The following GABRB2 variants were observed in gnomAD, a reference collection of about 807,000 sequenced individuals.
GABRB2 encodes gamma-aminobutyric acid type A receptor subunit beta2, also known as gamma-aminobutyric acid receptor subunit beta-2.
A neutral mutation model predicts 54.7 loss-of-function variants in GABRB2; 16 were observed. The observed-to-expected ratio is 0.29, with a 90% CI of 0.20 to 0.44. GABRB2 has a LOEUF of 0.44. Among genes scored for constraint, GABRB2 ranks in the 20% least tolerant of loss-of-function variants. The probability of loss-of-function intolerance (pLI) is 1.00; values close to 1 mark genes in which losing one functional copy is unlikely to be tolerated. For synonymous variants in GABRB2, 244 were observed against 233.8 expected (o/e 1.04, Z -0.40); for missense variants, 355 against 644.0 (o/e 0.55, Z 4.86).
In GABRB2 at chr5:161,416,642, A is replaced by G. The variant is rs184120303; in HGVS notation, c.459-5585T>C. Among the ~76,000 whole-genome samples, 49 of 139,002 alleles carry G rather than the reference A, an allele frequency of 3.5e-4. No homozygotes were observed. In the East Asian group the frequency reaches 0.011, roughly 32 times the overall value. The allele number at this position is 139,002 out of a possible 152,430, so 91.2% of individuals were successfully genotyped here. ...AACCCGGGAGGCGGAGCTTGCGGTG[A>G]GCCGAGATCGCGCCGCTGCACTCCA... is the stretch of plus-strand genomic sequence containing the variant. On this transcript the variant is annotated intron_variant, in intron 4 of 9. Coordinates refer to ENST00000393959, the MANE Select transcript of GABRB2 (RefSeq NM_001371727.1).
chr5:161,484,329 C>T (rs1758853976), intron 3 of GABRB2, among the ~76,000 whole-genome samples: 1 of 151,954 alleles, frequency 6.6e-6, no homozygotes, highest in Non-Finnish European at 1.5e-5. Context: ...GTGTTCATTT[C>T]TTTTCTTTCA....
At chr5:161,436,272 C>A (rs774371151) in intron 4 of GABRB2, among the ~76,000 whole-genome samples, 55 of 152,186 alleles carry the variant, frequency 3.6e-4, no homozygotes, top group Non-Finnish European at 1.0e-4. Flanking sequence ...GTGGCTCACA[C>A]TTGCAATCCC....
At chr5:161,395,529 C>T (rs1257810015) in intron 5 of GABRB2, among the ~76,000 whole-genome samples, 3 of 149,926 alleles carry the variant, frequency 2.0e-5, no homozygotes, top group African/African-American at 7.6e-5. Flanking sequence ...GAAAAAAAGG[C>T]AGACATTTAT....
intron 3 of GABRB2, among the ~76,000 whole-genome samples, chr5:161,485,558 C>A (rs956920455): frequency 5.3e-5 from 8 of 151,932 alleles, no homozygotes; most frequent in Non-Finnish European, 7.4e-5. Flanking sequence ...AATGTCAATT[C>A]ATTTTATAGT....
intron 3 of GABRB2, among the ~76,000 whole-genome samples, chr5:161,525,745 C>G (rs1001539793): frequency 1.3e-5 from 2 of 151,328 alleles, no homozygotes; most frequent in African/African-American, 2.4e-5. Flanking sequence ...CAAACTGACA[C>G]AAGTGGCATT....
In GABRB2 at chr5:161,300,423, G is replaced by A. The variant is rs539358958; in HGVS notation, c.1192-5995C>T. Reference sequence around the variant, plus strand: ...ACAGGATACATTCCCATTTGACAGGGCAGGAAACTGAAGTTCAGAAAAATG... The same window carrying A: ...ACAGGATACATTCCCATTTGACAGGACAGGAAACTGAAGTTCAGAAAAATG... On this transcript the variant is annotated intron_variant, in intron 9 of 9. Coordinates refer to ENST00000393959, the MANE Select transcript of GABRB2 (RefSeq NM_001371727.1). Among the ~76,000 whole-genome samples the A allele has an allele frequency of 2.0e-5, 3 of 152,212 alleles. No individual in the cohort carries two copies. The South Asian group carries it at 6.2e-4, about 32-fold the overall frequency.
At chr5:161,512,735 G>C (rs565592687) in intron 3 of GABRB2, among the ~76,000 whole-genome samples, 3 of 152,108 alleles carry the variant, frequency 2.0e-5, no homozygotes, top group Admixed American at 6.6e-5. Context: ...TTGAACTAAA[G>C]AGCGTCTGCA....
chr5:161,529,544 C>T (rs1382364908), intron 3 of GABRB2, among the ~76,000 whole-genome samples: 1 of 151,968 alleles, frequency 6.6e-6, no homozygotes, highest in Non-Finnish European at 1.5e-5. Flanking sequence ...AAAATCTAAC[C>T]TTCAATTTCT....
chr5:161,525,773 A>G (rs1481534530), intron 3 of GABRB2, among the ~76,000 whole-genome samples: 1 of 151,384 alleles, frequency 6.6e-6, no homozygotes, highest in Admixed American at 6.6e-5. Flanking sequence ...ATTTTACCTT[A>G]TATCCCATCC....
intron 3 of GABRB2, among the ~76,000 whole-genome samples, chr5:161,533,646 G>C (rs1418825115): frequency 6.6e-6 from 1 of 151,924 alleles, no homozygotes; most frequent in Non-Finnish European, 1.5e-5. Context: ...ATCTTGGCCA[G>C]TAATCTCTAA....
Position 161,293,870 on chromosome 5 carries a change from G to T in GABRB2, c.*211C>A, listed in dbSNP as rs34906738. On this transcript the variant is annotated 3_prime_UTR_variant, in exon 10 of 10. Transcript: ENST00000393959. ...GCCACCATGTGTAAAAATCACTTGC[G>T]TTTTAACTGGAAAACCACAAGGACC... is the stretch of plus-strand genomic sequence containing the variant. 3.7e-6 allele frequency: 2 copies of T among 545,492 alleles called. No homozygotes were observed. The highest frequency in any genetic ancestry group is 6.5e-5 in the Admixed American group (2 of 30,926). The allele number at this position is 545,492 out of a possible 1,614,324, so 33.8% of individuals were successfully genotyped here.
chr5:161,477,087 A>C (rs1758613359), intron 3 of GABRB2, among the ~76,000 whole-genome samples: 1 of 151,892 alleles, frequency 6.6e-6, no homozygotes, highest in African/African-American at 2.4e-5. Flanking sequence ...CTCATAACAA[A>C]GGAACAAACA....
chr5:161,384,245 A>G (rs1220261276), intron 5 of GABRB2, among the ~76,000 whole-genome samples: 1 of 152,242 alleles, frequency 6.6e-6, no homozygotes, highest in Non-Finnish European at 1.5e-5. Flanking sequence ...AGGCCACTGC[A>G]AAACTACCTT....
At chr5:161,352,368 G>T (rs1461454173) in intron 5 of GABRB2, among the ~76,000 whole-genome samples, 1 of 151,588 alleles carries the variant, frequency 6.6e-6, no homozygotes, top group Non-Finnish European at 1.5e-5. Flanking sequence ...TACTACTCAG[G>T]GTTAAAAAGA....
intron 3 of GABRB2, among the ~76,000 whole-genome samples, chr5:161,502,984 C>T (rs1052253043): frequency 6.6e-6 from 1 of 152,058 alleles, no homozygotes; most frequent in Admixed American, 6.5e-5. Flanking sequence ...ACAGGTCATA[C>T]AGTATTTGCA....
intron 3 of GABRB2, among the ~76,000 whole-genome samples, chr5:161,534,702 A>G (rs1760575169): frequency 6.6e-6 from 1 of 152,184 alleles, no homozygotes; most frequent in Non-Finnish European, 1.5e-5. Flanking sequence ...CTGCCTAAAA[A>G]TAGATGAATT....
At position 161,352,134 on chromosome 5, in the gene GABRB2, G is replaced by A. The variant is rs137894008; in HGVS notation, c.542-15365C>T. ...AATTTAATATAGCCTATGGCAAACA[G>A]TATAGAAGTTCTTCAAAAACTTAAA... On this transcript the variant is annotated intron_variant, in intron 5 of 9. Coordinates refer to ENST00000393959, the MANE Select transcript of GABRB2 (RefSeq NM_001371727.1). 3.2e-3 allele frequency among the ~76,000 whole-genome samples: 487 copies of A among 151,970 alleles called. 1 individual carries two copies. Among genetic ancestry groups the A allele is most frequent in the African/African-American group, 0.01 (433 of 41,504 alleles).
At chr5:161,503,373 C>A (rs1581039565) in intron 3 of GABRB2, among the ~76,000 whole-genome samples, 1 of 151,788 alleles carries the variant, frequency 6.6e-6, no homozygotes, top group Non-Finnish European at 1.5e-5. Flanking sequence ...AAAAGAGGAA[C>A]AAAAGACACT....
chr5:161,520,866 C>G (rs776490239), intron 3 of GABRB2, among the ~76,000 whole-genome samples: 1 of 152,040 alleles, frequency 6.6e-6, no homozygotes, highest in Non-Finnish European at 1.5e-5. Flanking sequence ...CTCATCACAG[C>G]TTGCCATATT....
Sources: allele counts gnomAD v4.1 joint callset (sites outside exome capture counted in the v4.1 genomes callset), GRCh38; gene constraint gnomAD v4.1.1; transcripts MANE v1.5; gene names NCBI Gene and HGNC (gene_info 2026-07-23, HGNC 2026-07-21).